ADAMTSL1: variants seen among roughly 807,000 people sequenced by gnomAD.
ADAMTSL1 encodes ADAMTS like 1.
In ADAMTSL1, 126 loss-of-function variants were observed where a neutral mutation model predicts 201.8. The observed-to-expected ratio is 0.62, with a 90% confidence interval of 0.54 to 0.72. The LOEUF is 0.72. Among genes scored for constraint, ADAMTSL1 ranks in the 30% least tolerant of loss-of-function variants. The pLI is 0.00. For missense variants in ADAMTSL1, 2,679 were observed against 2,277.8 expected (o/e 1.18, Z -3.59); for synonymous variants, 1,121 against 903.4 (o/e 1.24, Z -4.32).
chr9:18,735,748 C>CTTTTCTTTTCTT (rs762386875), intron 15 of ADAMTSL1, among the ~76,000 whole-genome samples: 2,683 of 106,624 alleles, frequency 0.025, 28 homozygotes, highest in East Asian at 0.038. Context: ...ATTCTTTTTT[C>CTTTTCTTTTCTT]TTTTTTTTTT....
At chr9:18,699,827 C>G (rs1009731844) in intron 13 of ADAMTSL1, among the ~76,000 whole-genome samples, 5 of 152,246 alleles carry the variant, frequency 3.3e-5, no homozygotes, top group African/African-American at 1.2e-4. Flanking sequence ...GCTGAAGATG[C>G]CTCATAGCCT....
chr9:18,648,001 A>C (rs1587791930), intron 7 of ADAMTSL1, among the ~76,000 whole-genome samples: 1 of 149,494 alleles, frequency 6.7e-6, no homozygotes, highest in South Asian at 2.1e-4. Context: ...AAAGTCTCCC[A>C]TTATTATTGT....
At chr9:18,809,825 T>C (rs76284652) in intron 20 of ADAMTSL1, among the ~76,000 whole-genome samples, 11,026 of 152,076 alleles carry the variant, frequency 0.073, 571 homozygotes, top group East Asian at 0.2. Context: ...GAGCTTGAAG[T>C]TTTGTTTTAA....
Position 18,753,385 on chromosome 9 carries a change from C to T in ADAMTSL1, c.2094C>T (p.Ser698=). The change falls in exon 16 of 29, where the codon TCC becomes TCT. Residue 698 remains serine (S), a synonymous_variant. Transcript: ENST00000380548. ...ACGTCTTCTGCAGCCACCTGCTTTC[C>T]AGAGAGATGAATGAAACAGTCATCC... ...TRDVFCSHLL[S]REMNETVILA... The T allele has an allele frequency of 1.2e-6, 2 of 1,612,812 alleles. No homozygotes were observed. The highest frequency in any genetic ancestry group is 1.7e-6 in the Non-Finnish European group (2 of 1,179,488).
At chr9:17,983,133 G>A (rs1563932909) in intron 1 of ADAMTSL1, among the ~76,000 whole-genome samples, 2 of 129,824 alleles carry the variant, frequency 1.5e-5, no homozygotes, top group Admixed American at 9.9e-5. Context: ...GCAATGGCAC[G>A]ATCTCTGCTC....
At chr9:18,792,305 A>C (rs1380559941) in intron 19 of ADAMTSL1, among the ~76,000 whole-genome samples, 1 of 152,202 alleles carries the variant, frequency 6.6e-6, no homozygotes, top group Non-Finnish European at 1.5e-5. Context: ...CCCTCTGATG[A>C]GCAGGAAAAC....
chr9:17,930,731 A>C (rs1276211861), intron 1 of ADAMTSL1, among the ~76,000 whole-genome samples: 1 of 152,228 alleles, frequency 6.6e-6, no homozygotes, highest in Non-Finnish European at 1.5e-5. Flanking sequence ...TGCCTGCTTC[A>C]TCATTTTCAA....
chr9:18,206,598 C>T (rs1177858941), intron 2 of ADAMTSL1, among the ~76,000 whole-genome samples: 3 of 152,094 alleles, frequency 2.0e-5, no homozygotes, highest in Admixed American at 6.6e-5. Flanking sequence ...CTACATTAAC[C>T]AGATCATGTC....
chr9:18,111,793 A>T (rs1483733602), intron 1 of ADAMTSL1, among the ~76,000 whole-genome samples: 1 of 152,188 alleles, frequency 6.6e-6, no homozygotes. Context: ...TGTTGAGCCC[A>T]AGAAAAGTCA....
intron 1 of ADAMTSL1, among the ~76,000 whole-genome samples, chr9:17,997,919 A>G (rs891219535): frequency 6.6e-6 from 1 of 152,082 alleles, no homozygotes; most frequent in African/African-American, 2.4e-5. Flanking sequence ...TGAAAATGCT[A>G]TGATGATAGT....
intron 7 of ADAMTSL1, among the ~76,000 whole-genome samples, chr9:18,644,564 A>T (rs1827665400): frequency 6.7e-6 from 1 of 149,290 alleles, no homozygotes; most frequent in Non-Finnish European, 1.5e-5. Context: ...CAGTCCCCAG[A>T]GTGTGATGTT....
intron 21 of ADAMTSL1, among the ~76,000 whole-genome samples, 166 bp downstream of exon 21, chr9:18,817,403 T>G (rs1053844859): frequency 2.0e-5 from 3 of 152,242 alleles, no homozygotes. Context: ...TACAGAAATT[T>G]AGAGGAAGAA....
intron 3 of ADAMTSL1, among the ~76,000 whole-genome samples, chr9:18,546,645 A>G (rs1820487689): frequency 1.3e-5 from 2 of 152,180 alleles, no homozygotes. Context: ...TTCTCCCATT[A>G]AAATATGACT....
At chr9:17,929,358 G>A (rs1444000740) in intron 1 of ADAMTSL1, among the ~76,000 whole-genome samples, 1 of 151,896 alleles carries the variant, frequency 6.6e-6, no homozygotes, top group African/African-American at 2.4e-5. Context: ...TAAATGTACT[G>A]TAAGACCTCT....
At chr9:18,041,701 A>C (rs1821431858) in intron 1 of ADAMTSL1, among the ~76,000 whole-genome samples, 1 of 152,172 alleles carries the variant, frequency 6.6e-6, no homozygotes, top group African/African-American at 2.4e-5. Flanking sequence ...CTGATAATCT[A>C]CCAGTTTTGA....
At chr9:18,388,573 C>T (rs1459304917) in intron 2 of ADAMTSL1, among the ~76,000 whole-genome samples, 1 of 151,394 alleles carries the variant, frequency 6.6e-6, no homozygotes, top group Non-Finnish European at 1.5e-5. Flanking sequence ...CATGTTCGGC[C>T]TGGACTTTAT....
At chr9:18,426,250 G>T (rs1819216461) in intron 2 of ADAMTSL1, among the ~76,000 whole-genome samples, 1 of 152,114 alleles carries the variant, frequency 6.6e-6, no homozygotes, top group Non-Finnish European at 1.5e-5. Flanking sequence ...TATACATCCA[G>T]GAAGTCTCCA....
chr9:17,928,728 A>C (rs574138388), intron 1 of ADAMTSL1, among the ~76,000 whole-genome samples: 63 of 152,312 alleles, frequency 4.1e-4, no homozygotes, highest in African/African-American at 1.5e-3. Flanking sequence ...TGGGTGACAG[A>C]GCAAGATCCT....
chr9:18,592,605 T>A (rs947721003), intron 4 of ADAMTSL1, among the ~76,000 whole-genome samples: 1 of 152,158 alleles, frequency 6.6e-6, no homozygotes, highest in Non-Finnish European at 1.5e-5. Flanking sequence ...CTCAGTACCA[T>A]GCTATTTTCG....
Sources: gnomAD v4.1 joint callset for allele counts (sites outside exome capture counted in the v4.1 genomes callset) on GRCh38, gnomAD v4.1.1 for gene constraint, MANE v1.5 for transcripts, NCBI Gene and HGNC (gene_info 2026-07-23, HGNC 2026-07-21) for gene names.